The following ANOS1 variants were observed in gnomAD, a reference collection of about 807,000 sequenced individuals.
ANOS1 encodes anosmin-1.
In ANOS1, 6 loss-of-function variants were observed where a neutral mutation model predicts 59.0. The observed-to-expected ratio is 0.10, with a 90% CI of 0.06 to 0.20. The LOEUF (loss-of-function observed/expected upper bound fraction) is 0.20, where lower values mean the gene tolerates loss of function less well. Ranked by LOEUF, ANOS1 falls within the 10% of genes least tolerant of loss-of-function variation. ANOS1 has a pLI of 1.00. For missense variants in ANOS1, 433 were observed against 542.3 expected, an observed-to-expected ratio of 0.80 and a Z score of 2.00; for synonymous variants, 217 against 223.4, an observed-to-expected ratio of 0.97 and a Z score of 0.25.
intron 3 of ANOS1, among the ~76,000 whole-genome samples, chrX:8,605,858 G>C (rs750338730): frequency 1.4e-4 from 15 of 110,799 alleles, no homozygotes; most frequent in Non-Finnish European, 2.8e-4. Context: ...AGCTGATTAT[G>C]AGGAAGAAAA....
intron 3 of ANOS1, among the ~76,000 whole-genome samples, chrX:8,622,591 A>C (rs755474039): frequency 8.9e-6 from 1 of 111,879 alleles, no homozygotes; most frequent in South Asian, 3.8e-4. Flanking sequence ...CTTCTGGCCA[A>C]GACCCTCAAC....
intron 3 of ANOS1, among the ~76,000 whole-genome samples, chrX:8,599,669 C>T (rs1049602657): frequency 3.6e-5 from 4 of 111,429 alleles, no homozygotes; most frequent in African/African-American, 1.3e-4. Context: ...CACGAGGTAA[C>T]ACCTGCCAAA....
rs1929519683 is a variant in ANOS1, at chrX:8,532,726, T to A, written c.*269A>T. On this transcript the variant is annotated 3_prime_UTR_variant, in exon 14 of 14. Coordinates refer to ENST00000262648, the MANE Select transcript of ANOS1 (RefSeq NM_000216.4). ...AATTCAATAGAAATGAGCGACACCA[T>A]ACATGAAAACAAAATTTAGCATTAA... 3.4e-6 allele frequency: 1 copy of A among 296,616 alleles called. No individual in the cohort carries two copies. Among genetic ancestry groups the A allele is most frequent in the Non-Finnish European group, 6.0e-6 (1 of 166,799 alleles). 24.4% of individuals were successfully genotyped at this position (296,616 alleles called of 1,213,427 possible). A position where few individuals can be genotyped will look rare whatever the true frequency, so the allele number is the denominator to read the frequency against.
intron 1 of ANOS1, among the ~76,000 whole-genome samples, chrX:8,726,097 C>T (rs1299142512): frequency 9.0e-6 from 1 of 110,704 alleles, no homozygotes; most frequent in Non-Finnish European, 1.9e-5. Flanking sequence ...AGGGACACAT[C>T]GTAGGCTGGG....
intron 2 of ANOS1, among the ~76,000 whole-genome samples, chrX:8,686,827 A>G (rs1238318061): frequency 2.7e-5 from 3 of 111,692 alleles, no homozygotes; most frequent in Admixed American, 1.9e-4. Flanking sequence ...GGTGGCAAGC[A>G]TCTGTAATCC....
At chrX:8,685,658 A>AAGAAAGAG (rs1278773136) in intron 2 of ANOS1, among the ~76,000 whole-genome samples, 39 of 97,004 alleles carry the variant, frequency 4.0e-4, no homozygotes, top group Admixed American at 1.1e-3. Flanking sequence ...GAAAGAAAGA[A>AAGAAAGAG]AAAGAAAGGA....
chrX:8,586,245 T>G (rs1450686881), intron 5 of ANOS1, among the ~76,000 whole-genome samples: 1 of 111,841 alleles, frequency 8.9e-6, no homozygotes, highest in Non-Finnish European at 1.9e-5. Flanking sequence ...ACTCCCAAAC[T>G]TCAGATTATA....
At chrX:8,617,546 C>T (rs966292156) in intron 3 of ANOS1, among the ~76,000 whole-genome samples, 2 of 110,717 alleles carry the variant, frequency 1.8e-5, no homozygotes, top group Non-Finnish European at 3.8e-5. Flanking sequence ...TTTGGGAGGT[C>T]GAGATGGGTG....
chrX:8,587,923 C>A lies in ANOS1; in HGVS notation c.597G>T (p.Gln199His). 8.3e-7 allele frequency: 1 copy of A among 1,209,121 alleles called. No homozygotes were observed. The highest frequency in any genetic ancestry group is 1.1e-6 in the Non-Finnish European group (1 of 893,561). ...ELRFTELQSGQLEVKWSSKFN... is the reference protein window; with the variant it reads ...ELRFTELQSGHLEVKWSSKFN... ...ATTTCGAGGACCACTTAACCTCCAG[C>A]TGTCCAGACTGCAGTTCTGTAAATC... is the stretch of plus-strand genomic sequence containing the variant. Residue 199 changes from glutamine to histidine, a missense_variant, in exon 5 of 14, where the codon CAG becomes CAT. Physicochemically the swap from Gln to His is conservative, Grantham distance 24 (BLOSUM62 0). Coordinates refer to ENST00000262648, the MANE Select transcript of ANOS1 (RefSeq NM_000216.4).
At chrX:8,599,390 G>A (rs1226952646) in intron 3 of ANOS1, among the ~76,000 whole-genome samples, 1 of 111,773 alleles carries the variant, frequency 8.9e-6, no homozygotes, top group East Asian at 2.8e-4. Flanking sequence ...CCAGCATGCT[G>A]CTTGATGCTC....
intron 3 of ANOS1, among the ~76,000 whole-genome samples, chrX:8,610,188 G>T (rs1931030096): frequency 3.6e-5 from 4 of 110,013 alleles, no homozygotes; most frequent in Non-Finnish European, 7.6e-5. Flanking sequence ...GCTTGATGGA[G>T]CTTATGTTGG....
chrX:8,680,989 T>C (rs749640105), intron 2 of ANOS1, among the ~76,000 whole-genome samples: 1 of 111,187 alleles, frequency 9.0e-6, no homozygotes, highest in Non-Finnish European at 1.9e-5. Flanking sequence ...AAGAGAAAAA[T>C]AACTCATATT....
chrX:8,623,864 C>A (rs778771647), intron 2 of ANOS1, among the ~76,000 whole-genome samples, 194 bp from the exon 3 acceptor site: 15 of 110,673 alleles, frequency 1.4e-4, no homozygotes, highest in African/African-American at 4.9e-4. Flanking sequence ...AGAACGCGGA[C>A]CAAAAAATGT....
chrX:8,678,440 T>C (rs1253685918), intron 2 of ANOS1, among the ~76,000 whole-genome samples: 3 of 112,050 alleles, frequency 2.7e-5, no homozygotes, highest in Non-Finnish European at 5.6e-5. Context: ...CAATATTCAG[T>C]ATGATGAAAA....
At position 8,530,630 on chromosome X, in the gene ANOS1, G is replaced by A. The variant is rs749516324; in HGVS notation, c.*2365C>T. 1.2e-3 allele frequency: 134 copies of A among 109,645 alleles called. No individual in the cohort carries two copies. Among genetic ancestry groups the A allele is most frequent in the African/African-American group, 3.9e-3 (118 of 30,369 alleles). The allele number at this position is 109,645 out of a possible 1,213,427, so 9.0% of individuals were successfully genotyped here. A position where few individuals can be genotyped will look rare whatever the true frequency, so the allele number is the denominator to read the frequency against. ...TTAGATTTTTTTAAGGGAGATGTAA[G>A]CTTCAGAATCACCATCTGAACTAAA... On this transcript the variant is annotated 3_prime_UTR_variant, in exon 14 of 14. Coordinates refer to ENST00000262648, the MANE Select transcript of ANOS1 (RefSeq NM_000216.4).
intron 3 of ANOS1, among the ~76,000 whole-genome samples, chrX:8,604,291 G>A (rs192750784): frequency 2.8e-3 from 309 of 111,143 alleles, no homozygotes; most frequent in African/African-American, 9.3e-3. Context: ...GTGAACTTCT[G>A]ACCCGTTTCT....
intron 2 of ANOS1, among the ~76,000 whole-genome samples, chrX:8,678,442 T>C (rs6530187): frequency 0.43 from 48,060 of 110,901 alleles, 7,531 homozygotes; most frequent in East Asian, 0.62. Flanking sequence ...ATATTCAGTA[T>C]GATGAAAAAA....
At chrX:8,561,323 G>A (rs1383073631) in intron 8 of ANOS1, among the ~76,000 whole-genome samples, 1 of 110,204 alleles carries the variant, frequency 9.1e-6, no homozygotes, top group Non-Finnish European at 1.9e-5. Flanking sequence ...TTTTTGAGAC[G>A]GAGTCTCGCT....
chrX:8,627,303 A>C (rs1931413370), intron 2 of ANOS1, among the ~76,000 whole-genome samples: 1 of 112,511 alleles, frequency 8.9e-6, no homozygotes, highest in Non-Finnish European at 1.9e-5. Context: ...GGTGCACAAA[A>C]AGTCTCAAGC....
Sources: allele counts gnomAD v4.1 joint callset (sites outside exome capture counted in the v4.1 genomes callset), GRCh38; gene constraint gnomAD v4.1.1; transcripts MANE v1.5; gene names NCBI Gene and HGNC (gene_info 2026-07-23, HGNC 2026-07-21).